GULP1: variants seen among roughly 807,000 people sequenced by gnomAD.
GULP1 encodes the protein PTB domain-containing engulfment adapter protein 1.
Under a neutral mutation model 40.9 loss-of-function variants are expected in GULP1, and 19 were observed. The observed-to-expected ratio is 0.46, with a 90% CI of 0.32 to 0.68. GULP1 has a LOEUF of 0.68. Among genes scored for constraint, GULP1 ranks in the 30% least tolerant of loss-of-function variants. GULP1 has a pLI of 0.03. For missense variants in GULP1, 312 were observed against 362.2 expected (o/e 0.86, Z 1.12); for synonymous variants, 119 against 117.6 (o/e 1.01, Z -0.08).
At chr2:188,495,273 A>G (rs1179370397) in intron 4 of GULP1, among the ~76,000 whole-genome samples, 1 of 152,022 alleles carries the variant, frequency 6.6e-6, no homozygotes, top group Non-Finnish European at 1.5e-5. Flanking sequence ...TTCTATACCC[A>G]ATACCTAGAC....
intron 4 of GULP1, among the ~76,000 whole-genome samples, chr2:188,513,324 T>C (rs972911006): frequency 6.6e-6 from 1 of 152,124 alleles, no homozygotes; most frequent in African/African-American, 2.4e-5. Flanking sequence ...TTCCCATCTG[T>C]GTTTTATATC....
At chr2:188,536,103 T>C (rs900305254) in intron 6 of GULP1, among the ~76,000 whole-genome samples, 2 of 152,160 alleles carry the variant, frequency 1.3e-5, no homozygotes, top group Non-Finnish European at 2.9e-5. Context: ...TAGACGTTTG[T>C]TGGATGCATA....
chr2:188,488,466 A>G (rs986591947), intron 4 of GULP1, among the ~76,000 whole-genome samples: 1 of 152,024 alleles, frequency 6.6e-6, no homozygotes, highest in African/African-American at 2.4e-5. Context: ...GGTATGACAA[A>G]AGTTTATTGT....
intron 1 of GULP1, among the ~76,000 whole-genome samples, chr2:188,325,989 T>G (rs1336731084): frequency 6.6e-6 from 1 of 152,138 alleles, no homozygotes; most frequent in Non-Finnish European, 1.5e-5. Context: ...TCCGTATCCT[T>G]AAAATATAGT....
intron 1 of GULP1, among the ~76,000 whole-genome samples, chr2:188,303,721 C>T (rs947905721): frequency 6.6e-6 from 1 of 152,068 alleles, no homozygotes; most frequent in Non-Finnish European, 1.5e-5. Context: ...TTATTGATGG[C>T]GACATTTGAA....
chr2:188,406,151 C>T (rs1209024193), intron 2 of GULP1, among the ~76,000 whole-genome samples: 1 of 152,080 alleles, frequency 6.6e-6, no homozygotes, highest in Non-Finnish European at 1.5e-5. Context: ...CTACATATAC[C>T]TATATGGTAT....
intron 2 of GULP1, among the ~76,000 whole-genome samples, chr2:188,454,385 A>G (rs1197357089): frequency 6.6e-6 from 1 of 152,148 alleles, no homozygotes; most frequent in East Asian, 1.9e-4. Flanking sequence ...AAACAAAGGC[A>G]CCACTCAAAG....
At chr2:188,374,253 A>G (rs1313289662) in intron 1 of GULP1, among the ~76,000 whole-genome samples, 1 of 152,140 alleles carries the variant, frequency 6.6e-6, no homozygotes, top group African/African-American at 2.4e-5. Context: ...ATTATTTGCT[A>G]ATATTAGCTC....
chr2:188,526,151 C>A (rs1421782139), intron 5 of GULP1, among the ~76,000 whole-genome samples: 1 of 152,070 alleles, frequency 6.6e-6, no homozygotes, highest in Non-Finnish European at 1.5e-5. Context: ...TTTAACAGTT[C>A]TATTTATCAG....
intron 1 of GULP1, among the ~76,000 whole-genome samples, chr2:188,310,552 GA>G (rs2037914434): frequency 6.6e-6 from 1 of 152,134 alleles, no homozygotes; most frequent in Non-Finnish European, 1.5e-5. Context: ...GTGATTGGAA[GA>G]AAAAAGTAAG....
At chr2:188,359,592 A>G (rs938260071) in intron 1 of GULP1, among the ~76,000 whole-genome samples, 1 of 152,088 alleles carries the variant, frequency 6.6e-6, no homozygotes, top group Admixed American at 6.6e-5. Context: ...TCATGGGAAA[A>G]TTTGCCTCAG....
At chr2:188,327,753 A>T (rs906780375) in intron 1 of GULP1, among the ~76,000 whole-genome samples, 2 of 152,118 alleles carry the variant, frequency 1.3e-5, no homozygotes, top group African/African-American at 4.8e-5. Flanking sequence ...TGAGTTAGGG[A>T]TACATTTATT....
intron 2 of GULP1, among the ~76,000 whole-genome samples, chr2:188,444,489 C>A (rs1392171879): frequency 6.6e-6 from 1 of 152,104 alleles, no homozygotes; most frequent in African/African-American, 2.4e-5. Context: ...TGATCAATAT[C>A]TAATATTATC....
chr2:188,472,292 C>T (rs1407124419), intron 2 of GULP1, among the ~76,000 whole-genome samples: 2 of 152,000 alleles, frequency 1.3e-5, no homozygotes, highest in South Asian at 2.1e-4. Context: ...ATAACCTTCT[C>T]GTACTTGGAT....
At chr2:188,481,819 GTGTTTTTCTTGTTT>G in intron 3 of GULP1, among the ~76,000 whole-genome samples, 1 of 151,804 alleles carries the variant, frequency 6.6e-6, no homozygotes, top group South Asian at 2.1e-4. Flanking sequence ...TTTCCTAAAG[GTGTTTTTCTTGTTT>G]TGTGTTTTAT....
Position 188,529,976 on chromosome 2 carries a change from G to C in GULP1, c.261+781G>C, listed in dbSNP as rs778078255. On this transcript the variant is annotated intron_variant, in intron 6 of 11. Coordinates refer to ENST00000409830, the MANE Select transcript of GULP1 (RefSeq NM_016315.4). ...GATGTTCAGAAAGGTTTGCCCAGCA[G>C]CGTGAACATGGAGCTTTTTATAGGC... 2.4e-4 allele frequency among the ~76,000 whole-genome samples: 37 copies of C among 152,322 alleles called. No homozygotes were observed. The Middle Eastern group carries it at 0.014, about 56-fold the overall frequency.
intron 2 of GULP1, among the ~76,000 whole-genome samples, chr2:188,398,947 G>A (rs545762284): frequency 6.6e-6 from 1 of 152,258 alleles, no homozygotes; most frequent in East Asian, 1.9e-4. Flanking sequence ...AAGGAAATTG[G>A]CAAATCATGA....
chr2:188,309,944 T>C (rs2037790076), intron 1 of GULP1, among the ~76,000 whole-genome samples: 1 of 152,258 alleles, frequency 6.6e-6, no homozygotes, highest in Non-Finnish European at 1.5e-5. Context: ...TAATCTGCCT[T>C]CTGCAAGTGT....
At chr2:188,323,648 ATATGTGTGTG>A (rs1303842049) in intron 1 of GULP1, among the ~76,000 whole-genome samples, 3 of 60,938 alleles carry the variant, frequency 4.9e-5, no homozygotes, top group African/African-American at 1.4e-4. Flanking sequence ...ATATCTGAAG[ATATGTGTGTG>A]TGTGTGTGTG....
Sources: gnomAD v4.1 joint callset for allele counts (sites outside exome capture counted in the v4.1 genomes callset) on GRCh38, gnomAD v4.1.1 for gene constraint, MANE v1.5 for transcripts, NCBI Gene and HGNC (gene_info 2026-07-23, HGNC 2026-07-21) for gene names.